CFAP43: variants seen among roughly 807,000 people sequenced by gnomAD.
CFAP43 encodes cilia- and flagella-associated protein 43.
Under a neutral mutation model 218.9 loss-of-function variants are expected in CFAP43, and 155 were observed. That is an observed-to-expected ratio of 0.71 (90% confidence interval 0.62 to 0.81). The LOEUF (loss-of-function observed/expected upper bound fraction) is 0.81. CFAP43 is among the 30% of genes least tolerant of loss of function. CFAP43 has a pLI of 0.00. For synonymous variants in CFAP43, 645 were observed against 681.3 expected (o/e 0.95, Z 0.83); for missense variants, 1,778 against 1,954.3 (o/e 0.91, Z 1.70).
rs1408802302 is a variant in CFAP43 at position 104,232,297 on chromosome 10, G to A, written c.-51C>T. On this transcript the variant is annotated 5_prime_UTR_variant, in exon 1 of 38. Coordinates refer to ENST00000357060, the MANE Select transcript of CFAP43 (RefSeq NM_025145.7). ...CAGGCAGCGCACGCAGCACCCCAGGGCGGGTCGGTTACCTTTCCGCCGCCG... is the reference window on the plus strand; with the variant it reads ...CAGGCAGCGCACGCAGCACCCCAGGACGGGTCGGTTACCTTTCCGCCGCCG... 2.6e-6 allele frequency: 4 copies of A among 1,514,082 alleles called. No individual in the cohort carries two copies. Among genetic ancestry groups the A allele is most frequent in the Non-Finnish European group, 3.5e-6 (4 of 1,133,604 alleles). The allele number at this position is 1,514,082 out of a possible 1,614,324, so 93.8% of individuals were successfully genotyped here.
rs546293029 is a variant in CFAP43 at position 104,141,897 on chromosome 10, A to T, written c.4271+384T>A. ...ACAACAAGTTCCCCTAAAGAAAAATATATCAGTTGGCTGCGTGTCTACATG... is the reference window on the plus strand; with the variant it reads ...ACAACAAGTTCCCCTAAAGAAAAATTTATCAGTTGGCTGCGTGTCTACATG... On this transcript the variant is annotated intron_variant, in intron 33 of 37. Coordinates refer to ENST00000357060, the MANE Select transcript of CFAP43 (RefSeq NM_025145.7). 2.4e-4 allele frequency among the ~76,000 whole-genome samples: 36 copies of T among 152,306 alleles called. No homozygotes were observed. In the South Asian group the frequency reaches 6.2e-3, roughly 26 times the overall value.
Position 104,161,037 on chromosome 10 carries a change from C to A in CFAP43, c.3540G>T (p.Lys1180Asn). The change falls in exon 27 of 38, where the codon AAG (lysine) becomes AAT (asparagine). Residue 1180 changes from lysine to asparagine, a missense_variant and splice_region_variant. Lys to Asn is a moderately conservative substitution (Grantham distance 94). Transcript: ENST00000357060. ...TATATTAATTATTTGCTCTTCTGAC[C>A]TTTCTATACTTATCTCTTTCTTCAT... is the stretch of plus-strand genomic sequence containing the variant. ...ELNEERDKYR[K>N]SLEAELKKLQ... is the part of the protein sequence containing the mutation. The A allele has an allele frequency of 6.2e-7, 1 of 1,603,516 alleles. No individual in the cohort carries two copies. Among genetic ancestry groups the A allele is most frequent in the Non-Finnish European group, 8.5e-7 (1 of 1,172,450 alleles).
chr10:104,148,132 A>G, intron 28 of CFAP43, 134 bp from the exon 29 acceptor site: 1 of 450,032 alleles, frequency 2.2e-6, no homozygotes, highest in African/African-American at 2.0e-5. Flanking sequence ...CATTTTAAAG[A>G]AAAAGGGAAT....
chr10:104,219,187 C>T (rs903324060), intron 3 of CFAP43, among the ~76,000 whole-genome samples: 14 of 151,818 alleles, frequency 9.2e-5, no homozygotes, highest in African/African-American at 3.4e-4. Flanking sequence ...CCCTAAGTTG[C>T]CCAAGTCACA....
intron 19 of CFAP43, among the ~76,000 whole-genome samples, chr10:104,175,911 A>G (rs1347745962): frequency 6.6e-6 from 1 of 152,226 alleles, no homozygotes; most frequent in Non-Finnish European, 1.5e-5. Context: ...ACTTATATAT[A>G]TACTAAAGTT....
In CFAP43 at chr10:104,172,639, T is replaced by C. The variant is rs183815531; in HGVS notation, c.2461-104A>G. ...GCAGCAATCAATAAAAAATAGATGT[T>C]CTATTTATCAAAATGTACTACTAAG... is the stretch of plus-strand genomic sequence containing the variant. On this transcript the variant is annotated intron_variant, in intron 19 of 37. Coordinates refer to ENST00000357060, the MANE Select transcript of CFAP43 (RefSeq NM_025145.7). The C allele has an allele frequency of 3.6e-3, 3,634 of 1,009,122 alleles. 12 individuals are homozygous for C. Among genetic ancestry groups the C allele is most frequent in the Non-Finnish European group, 4.4e-3 (3,193 of 729,352 alleles). 62.5% of individuals were successfully genotyped at this position (1,009,122 alleles called of 1,614,324 possible). A position where few individuals can be genotyped will look rare whatever the true frequency, so the allele number is the denominator to read the frequency against.
chr10:104,161,824 A>G (rs2088891039), intron 26 of CFAP43, 137 bp downstream of exon 26: 1 of 718,370 alleles, frequency 1.4e-6, no homozygotes, highest in African/African-American at 1.8e-5. Flanking sequence ...GTAGGTTTAT[A>G]AGGTACTACG....
At chr10:104,227,009 C>G (rs991771101) in intron 2 of CFAP43, among the ~76,000 whole-genome samples, 3 of 152,022 alleles carry the variant, frequency 2.0e-5, no homozygotes. Flanking sequence ...CAGAGCAAGA[C>G]TCTGTCTCAT....
intron 5 of CFAP43, among the ~76,000 whole-genome samples, chr10:104,211,124 A>C (rs959178747): frequency 2.0e-5 from 3 of 151,840 alleles, no homozygotes; most frequent in African/African-American, 7.3e-5. Context: ...CTTAAGTGTC[A>C]TCTCCCCAGA....
intron 10 of CFAP43, among the ~76,000 whole-genome samples, chr10:104,195,230 C>T (rs1337633556): frequency 2.6e-5 from 4 of 152,140 alleles, no homozygotes; most frequent in Non-Finnish European, 4.4e-5. Flanking sequence ...CTGGCATCAG[C>T]ATTACTGTGT....
intron 8 of CFAP43, among the ~76,000 whole-genome samples, chr10:104,200,525 G>T (rs927086880): frequency 6.6e-6 from 1 of 151,938 alleles, no homozygotes. Flanking sequence ...CAAAAATTCA[G>T]CTGGGCATGG....
intron 6 of CFAP43, among the ~76,000 whole-genome samples, chr10:104,206,513 G>A (rs533058929): frequency 5.9e-5 from 9 of 152,334 alleles, no homozygotes; most frequent in African/African-American, 1.9e-4. Context: ...GATCAGATTA[G>A]GGAGAGCGTG....
intron 3 of CFAP43, among the ~76,000 whole-genome samples, chr10:104,216,596 C>T (rs1013879206): frequency 5.3e-5 from 8 of 152,142 alleles, no homozygotes; most frequent in Non-Finnish European, 1.0e-4. Context: ...AGTGAAGCTT[C>T]AATCGATGGG....
At chr10:104,201,500 G>A (rs1046539472) in intron 8 of CFAP43, among the ~76,000 whole-genome samples, 2 of 151,784 alleles carry the variant, frequency 1.3e-5, no homozygotes, top group Admixed American at 1.3e-4. Context: ...GGTTACCTTA[G>A]AAGTTGTAAC....
At chr10:104,181,200 T>A (rs2089831399) in intron 17 of CFAP43, among the ~76,000 whole-genome samples, 1 of 152,196 alleles carries the variant, frequency 6.6e-6, no homozygotes, top group Non-Finnish European at 1.5e-5. Flanking sequence ...CACCATCTTC[T>A]ACATAAATGT....
chr10:104,173,795 G>C (rs951338336), intron 19 of CFAP43, among the ~76,000 whole-genome samples: 2 of 152,150 alleles, frequency 1.3e-5, no homozygotes, highest in African/African-American at 4.8e-5. Context: ...CTGGTGTCAT[G>C]GAACTATAAC....
chr10:104,162,636 A>G (rs1008246217), intron 24 of CFAP43, among the ~76,000 whole-genome samples: 3 of 152,144 alleles, frequency 2.0e-5, no homozygotes, highest in African/African-American at 4.8e-5. Flanking sequence ...TAAAAAGATT[A>G]TAACAGGGAA....
intron 2 of CFAP43, among the ~76,000 whole-genome samples, chr10:104,226,589 C>A (rs2091309642): frequency 6.6e-6 from 1 of 151,854 alleles, no homozygotes; most frequent in Admixed American, 6.6e-5. Flanking sequence ...GAAAAATATA[C>A]CCTCTATAAT....
At chr10:104,136,280 A>AAGT (rs1564707947) in intron 34 of CFAP43, among the ~76,000 whole-genome samples, 1 of 139,762 alleles carries the variant, frequency 7.2e-6, no homozygotes, top group Non-Finnish European at 1.6e-5. Context: ...AAAAAAAAAG[A>AAGT]AGAAAAGAAA....
Sources: allele counts gnomAD v4.1 joint callset (sites outside exome capture counted in the v4.1 genomes callset), GRCh38; gene constraint gnomAD v4.1.1; transcripts MANE v1.5; gene names NCBI Gene and HGNC (gene_info 2026-07-23, HGNC 2026-07-21).